Variants in TEX9 observed in about 807,000 individuals in gnomAD.
TEX9 encodes testis-expressed protein 9.
A neutral mutation model predicts 59.6 loss-of-function variants in TEX9; 74 were observed. The ratio of observed to expected loss-of-function variants is 1.24; its 90% confidence interval spans 1.03 to 1.51. TEX9 has a LOEUF of 1.51. Ranked by LOEUF, TEX9 falls within the 40% of genes most tolerant of loss-of-function variation. TEX9 has a pLI of 0.00. For missense variants in TEX9, 522 were observed against 447.8 expected, an observed-to-expected ratio of 1.17 and a Z score of -1.49; for synonymous variants, 186 against 152.2, an observed-to-expected ratio of 1.22 and a Z score of -1.64.
intron 12 of TEX9, among the ~76,000 whole-genome samples, chr15:56,436,715 C>G (rs1464863567): frequency 6.6e-6 from 1 of 152,050 alleles, no homozygotes; most frequent in Non-Finnish European, 1.5e-5. Context: ...GCTAGCAAGA[C>G]TCATAACAAA....
At chr15:56,425,464 T>G (rs1180667432) in intron 10 of TEX9, among the ~76,000 whole-genome samples, 1 of 152,188 alleles carries the variant, frequency 6.6e-6, no homozygotes, top group East Asian at 1.9e-4. Context: ...GAAAGCTCAC[T>G]CATTCTTTCT....
At chr15:56,302,463 G>C (rs1223982398) in intron 1 of TEX9, among the ~76,000 whole-genome samples, 3 of 152,092 alleles carry the variant, frequency 2.0e-5, no homozygotes, top group Non-Finnish European at 4.4e-5. Flanking sequence ...CAAGGCTGTA[G>C]CGAGCCATGA....
downstream of TEX9, among the ~76,000 whole-genome samples, chr15:56,450,005 TTATTTGTTC>T (rs2050937438): frequency 6.6e-6 from 1 of 152,164 alleles, no homozygotes; most frequent in Non-Finnish European, 1.5e-5. Context: ...GTTCTTGGCT[TTATTTGTTC>T]TACTTTATGT....
At chr15:56,277,839 CAA>C (rs1208756330) in intron 1 of TEX9, among the ~76,000 whole-genome samples, 2 of 152,212 alleles carry the variant, frequency 1.3e-5, no homozygotes, top group African/African-American at 4.8e-5. Context: ...TGTATTCCTC[CAA>C]ATAACCTTCA....
intron 9 of TEX9, among the ~76,000 whole-genome samples, chr15:56,408,250 G>T (rs750249505): frequency 1.4e-4 from 22 of 152,108 alleles, no homozygotes; most frequent in Admixed American, 5.9e-4. Flanking sequence ...TCTTAAAAAG[G>T]TCACCAATAA....
chr15:56,385,623 T>C (rs377095586), intron 4 of TEX9, among the ~76,000 whole-genome samples: 1 of 151,828 alleles, frequency 6.6e-6, no homozygotes, highest in Non-Finnish European at 1.5e-5. Flanking sequence ...TTGTAGGTGA[T>C]GTAATGGCAT....
the TEX9 span, among the ~76,000 whole-genome samples, chr15:56,460,009 A>AAACATAT: frequency 3.8e-5 from 1 of 26,406 alleles, no homozygotes; most frequent in Non-Finnish European, 7.0e-5. Context: ...AAAAAAAAAA[A>AAACATAT]ATACATATAT....
chr15:56,326,780 T>A (rs1304552230), intron 1 of TEX9, among the ~76,000 whole-genome samples: 7 of 145,714 alleles, frequency 4.8e-5, no homozygotes, highest in African/African-American at 1.7e-4. Context: ...TCCTCACCAT[T>A]TTCATCTCAC....
chr15:56,361,439 A>G (rs1434623098), upstream of TEX9, among the ~76,000 whole-genome samples: 1 of 151,998 alleles, frequency 6.6e-6, no homozygotes, highest in Non-Finnish European at 1.5e-5. Context: ...ATTCCTCTAG[A>G]TATTTACTTG....
chr15:56,403,533 T>C (rs1395197302), intron 9 of TEX9, among the ~76,000 whole-genome samples: 2 of 152,206 alleles, frequency 1.3e-5, no homozygotes, highest in African/African-American at 4.8e-5. Flanking sequence ...GAAGAATCAA[T>C]ATCGTGAAAA....
intron 2 of TEX9, 49 bp from the exon 3 acceptor site, chr15:56,373,392 T>G: frequency 6.5e-7 from 1 of 1,545,160 alleles, no homozygotes; most frequent in East Asian, 2.4e-5. Flanking sequence ...AGTTTATTTT[T>G]TATTTTTGTT....
chr15:56,300,919 T>C (rs1284083816), intron 1 of TEX9, among the ~76,000 whole-genome samples: 1 of 152,140 alleles, frequency 6.6e-6, no homozygotes, highest in East Asian at 1.9e-4. Context: ...AAGACTACAG[T>C]AAATATCTAA....
rs149091200 is a variant in TEX9 at position 56,410,395 on chromosome 15, G to C, written c.829-1907G>C. 1.4e-4 allele frequency among the ~76,000 whole-genome samples: 22 copies of C among 151,854 alleles called. No homozygotes were observed. The East Asian group carries it at 4.1e-3, about 28-fold the overall frequency. On this transcript the variant is annotated intron_variant, in intron 9 of 12. Coordinates refer to ENST00000352903, the Ensembl canonical transcript of TEX9. The stretch of plus-strand genomic sequence containing the variant: ...TATGAATGCTTTAATAATCATGAGA[G>C]AGTGGTACATCATTTCCTCTTGAAG...
intron 9 of TEX9, among the ~76,000 whole-genome samples, chr15:56,400,341 C>G (rs551910639): frequency 3.3e-5 from 5 of 152,154 alleles, no homozygotes; most frequent in African/African-American, 1.2e-4. Flanking sequence ...GATGCGTGGA[C>G]AAGCTTCAAT....
rs532486425 is a variant in TEX9 at position 56,430,682 on chromosome 15, T to C, written c.*29+2209T>C. On this transcript the variant is annotated intron_variant, in intron 12 of 12. Coordinates refer to ENST00000352903, the Ensembl canonical transcript of TEX9. ...GGTGTTACCAGTGACAATGTTTTCA[T>C]ACACATTCTCATCTTTGGCATGTAA... Among the ~76,000 whole-genome samples the C allele has an allele frequency of 2.1e-3, 317 of 152,272 alleles. 1 individual carries two copies. The highest frequency in any genetic ancestry group is 3.6e-3 in the Non-Finnish European group (247 of 68,028).
chr15:56,365,863 G>C (rs189706223), intron 2 of TEX9, 193 bp downstream of exon 2: 1,068 of 1,406,576 alleles, frequency 7.6e-4, no homozygotes, highest in Non-Finnish European at 8.4e-4. Context: ...CGTATTAGAA[G>C]ATATTTGAAG....
chr15:56,250,007 A>G (rs1221796593), intron 1 of TEX9, among the ~76,000 whole-genome samples: 1 of 152,144 alleles, frequency 6.6e-6, no homozygotes, highest in Non-Finnish European at 1.5e-5. Flanking sequence ...TTCTAGGCTC[A>G]ACATAAGTCT....
intron 1 of TEX9, among the ~76,000 whole-genome samples, chr15:56,347,449 G>T (rs2046493068): frequency 2.0e-5 from 3 of 151,672 alleles, no homozygotes; most frequent in Non-Finnish European, 4.4e-5. Context: ...TTGATTTTTT[G>T]ATAAAGATGC....
chr15:56,273,839 C>T (rs1051161091), intron 1 of TEX9, among the ~76,000 whole-genome samples: 3 of 152,118 alleles, frequency 2.0e-5, no homozygotes, highest in Admixed American at 1.3e-4. Context: ...TGTCTTTTTA[C>T]GTCTGGTTGT....
Sources: allele counts gnomAD v4.1 joint callset (sites outside exome capture counted in the v4.1 genomes callset), GRCh38; gene constraint gnomAD v4.1.1; transcripts MANE v1.5; gene names NCBI Gene and HGNC (gene_info 2026-07-23, HGNC 2026-07-21).